The following AZIN2 variants were observed in gnomAD, a reference collection of about 807,000 sequenced individuals.
AZIN2 encodes antizyme inhibitor 2, also known as ODC antizyme inhibitor-2.
In AZIN2, 28 loss-of-function variants were observed where a neutral mutation model predicts 47.8. The ratio of observed to expected loss-of-function variants is 0.59; its 90% CI spans 0.43 to 0.80. The LOEUF (loss-of-function observed/expected upper bound fraction) is 0.80, where lower values mean the gene tolerates loss of function less well. AZIN2 is among the 30% of genes least tolerant of loss of function. The pLI, the probability that AZIN2 is intolerant of heterozygous loss-of-function variation, is 0.00. For missense variants in AZIN2, 535 were observed against 582.5 expected, an observed-to-expected ratio of 0.92 and a Z score of 0.84; for synonymous variants, 221 against 239.4, an observed-to-expected ratio of 0.92 and a Z score of 0.71.
chr1:33,111,141 A>G (rs1019849330), intron 10 of AZIN2, among the ~76,000 whole-genome samples: 3 of 152,264 alleles, frequency 2.0e-5, no homozygotes, highest in Non-Finnish European at 4.4e-5. Flanking sequence ...TGTGAAGGCC[A>G]CTAAGGCGAA....
chr1:33,123,957 C>T (rs1644838533), downstream of AZIN2, among the ~76,000 whole-genome samples: 1 of 151,846 alleles, frequency 6.6e-6, no homozygotes, highest in Admixed American at 6.6e-5. Context: ...GATCACACCA[C>T]TACACTCCAG....
At chr1:33,107,377 C>T (rs1488861545) in intron 10 of AZIN2, among the ~76,000 whole-genome samples, 4 of 152,004 alleles carry the variant, frequency 2.6e-5, no homozygotes, top group Admixed American at 6.6e-5. Context: ...GTCAGGAGTT[C>T]GAGACCAGCC....
the AZIN2 span, chr1:33,164,513 A>C: frequency 1.3e-5 from 2 of 152,328 alleles, no homozygotes; most frequent in African/African-American, 4.8e-5. Flanking sequence ...AAAGCATGCA[A>C]TTTACCCAAA....
chr1:33,157,044 A>G, the AZIN2 span, among the ~76,000 whole-genome samples: 1 of 146,510 alleles, frequency 6.8e-6, no homozygotes, highest in South Asian at 2.2e-4. Flanking sequence ...CCTTCGGTCT[A>G]TTCTCAACCC....
At chr1:33,139,265 G>T in the AZIN2 span, among the ~76,000 whole-genome samples, 1 of 152,160 alleles carries the variant, frequency 6.6e-6, no homozygotes, top group Non-Finnish European at 1.5e-5. Flanking sequence ...GTTATCTCTG[G>T]TCTGTAAGTT....
chr1:33,097,207 C>T (rs1180392049), intron 9 of AZIN2, among the ~76,000 whole-genome samples: 1 of 152,152 alleles, frequency 6.6e-6, no homozygotes, highest in Non-Finnish European at 1.5e-5. Flanking sequence ...CTGCATTTGA[C>T]CCCATGTCTG....
intron 4 of AZIN2, 23 bp downstream of exon 4, chr1:33,082,377 GGGTCCCC>G: frequency 6.3e-7 from 1 of 1,586,054 alleles, no homozygotes. Flanking sequence ...GAATGGGGGT[GGGTCCCC>G]GGTCCCCTGT....
At chr1:33,087,923 C>T (rs1335955820) in intron 5 of AZIN2, among the ~76,000 whole-genome samples, 6 of 152,162 alleles carry the variant, frequency 3.9e-5, no homozygotes, top group Non-Finnish European at 7.4e-5. Flanking sequence ...TTTGCATTTA[C>T]AGGAATAGCT....
At chr1:33,099,766 T>C (rs1399397554) in intron 10 of AZIN2, among the ~76,000 whole-genome samples, 1 of 152,226 alleles carries the variant, frequency 6.6e-6, no homozygotes, top group Non-Finnish European at 1.5e-5. Context: ...GGCTCTTAAC[T>C]GCTTTTCAAG....
At position 33,098,095 on chromosome 1, in the gene AZIN2, CGT is replaced by C; in HGVS notation, c.948_949del (p.Tyr317ProfsTer3). 1 of 1,614,130 alleles carries C rather than the reference CGT, an allele frequency of 6.2e-7. No individual in the cohort carries two copies. The highest frequency in any genetic ancestry group is 8.5e-7 in the Non-Finnish European group (1 of 1,180,006). ...EENGSTSKTIVYHLDEGVYGI... is the reference protein window; with the variant it reads ...EENGSTSKTIXYHLDEGVYGI... ...AAAATGGTTCCACCTCCAAGACCATCGTGTACCACCTTGATGAGGGCGTGTAT... is the reference window on the plus strand; with the variant it reads ...AAAATGGTTCCACCTCCAAGACCATCGTACCACCTTGATGAGGGCGTGTAT... On this transcript the variant is annotated frameshift_variant, in exon 10 of 12. Coordinates refer to ENST00000294517, the MANE Select transcript of AZIN2 (RefSeq NM_052998.4). LOFTEE classifies it high-confidence loss of function.
chr1:33,159,926 G>A, the AZIN2 span: 24 of 1,605,214 alleles, frequency 1.5e-5, no homozygotes, highest in Admixed American at 3.3e-5. This position sits in a 1 kb window ranked among gnomAD's most constrained non-coding sequence, Gnocchi z 4.2. Flanking sequence ...ATAGTGGTCC[G>A]CAGGCTCTTG....
At chr1:33,146,870 A>G in the AZIN2 span, 15 of 388,754 alleles carry the variant, frequency 3.9e-5, no homozygotes, top group Admixed American at 5.8e-4. Context: ...ACTGGAAGGT[A>G]GTCCCCTGCC....
At chr1:33,145,636 G>A in the AZIN2 span, 2 of 278,736 alleles carry the variant, frequency 7.2e-6, no homozygotes, top group Admixed American at 9.9e-5. Context: ...GAGACCCCAA[G>A]TGCAGAATCT....
intron 8 of AZIN2, 87 bp downstream of exon 8, chr1:33,094,800 GTGGGTCCTATGCACTGCA>G (rs1642966652): frequency 1.4e-6 from 2 of 1,440,840 alleles, no homozygotes; most frequent in African/African-American, 2.8e-5. Context: ...ACCACCGTGC[GTGGGTCCTATGCACTGCA>G]TGCAGTGCTT....
chr1:33,116,780 A>C (rs1379515197), intron 10 of AZIN2, among the ~76,000 whole-genome samples: 2 of 152,224 alleles, frequency 1.3e-5, no homozygotes, highest in Non-Finnish European at 2.9e-5. Context: ...CTGAGATCTA[A>C]AGGAGAAATA....
At chr1:33,112,969 G>T (rs867413321) in intron 10 of AZIN2, among the ~76,000 whole-genome samples, 2 of 152,080 alleles carry the variant, frequency 1.3e-5, no homozygotes, top group Non-Finnish European at 2.9e-5. Context: ...CTTCCATGAA[G>T]GTTTTATTTA....
intron 11 of AZIN2, chr1:33,119,818 A>T (rs1485757861): frequency 1.7e-6 from 1 of 592,404 alleles, no homozygotes; most frequent in Admixed American, 3.0e-5. Flanking sequence ...GATGTCTGGC[A>T]TGTAGTAAAT....
In AZIN2 at chr1:33,120,297, C is replaced by A; in HGVS notation, c.*115C>A. 1 of 1,412,492 alleles carries A rather than the reference C, an allele frequency of 7.1e-7. No homozygotes were observed. Among genetic ancestry groups the A allele is most frequent in the Non-Finnish European group, 9.5e-7 (1 of 1,047,910 alleles). 87.5% of individuals were successfully genotyped at this position (1,412,492 alleles called of 1,614,324 possible). Reference sequence around the variant, plus strand: ...GCCAGGACTCTGGTGCCCACCCTGCCACCCCCGCGCTCCACCTGCAGTGTT... The same window carrying A: ...GCCAGGACTCTGGTGCCCACCCTGCAACCCCCGCGCTCCACCTGCAGTGTT... On this transcript the variant is annotated 3_prime_UTR_variant, in exon 12 of 12. Coordinates refer to ENST00000294517, the MANE Select transcript of AZIN2 (RefSeq NM_052998.4).
In AZIN2 at chr1:33,113,549, ATAG is replaced by A. The variant is rs1374102063; in HGVS notation, c.1030-4352_1030-4350del. 6.6e-6 allele frequency among the ~76,000 whole-genome samples: 1 copy of A among 151,956 alleles called. No individual in the cohort carries two copies. Among genetic ancestry groups the A allele is most frequent in the Non-Finnish European group, 1.5e-5 (1 of 67,982 alleles). On this transcript the variant is annotated intron_variant, in intron 10 of 11. Transcript: ENST00000294517. This position sits in a 1 kb window ranked among gnomAD's most constrained non-coding sequence, Gnocchi z 4.1. Reference sequence around the variant, plus strand: ...ATGCTTTTTTGTTTCTTTTTTTCTGATAGCTATTGCTAGCATTTCTCATCATAT... The same window carrying A: ...ATGCTTTTTTGTTTCTTTTTTTCTGACTATTGCTAGCATTTCTCATCATAT...
Sources: allele counts gnomAD v4.1 joint callset (sites outside exome capture counted in the v4.1 genomes callset), GRCh38; gene constraint gnomAD v4.1.1; non-coding constraint Gnocchi (gnomAD v3.1); transcripts MANE v1.5; gene names NCBI Gene and HGNC (gene_info 2026-07-23, HGNC 2026-07-21).